The following ANO3 variants were observed in gnomAD, a reference collection of about 807,000 sequenced individuals.
ANO3 encodes the protein anoctamin-3.
A neutral mutation model predicts 144.8 loss-of-function variants in ANO3; 99 were observed. The observed-to-expected ratio is 0.68, with a 90% CI of 0.58 to 0.81. ANO3 has a LOEUF of 0.81. Among genes scored for constraint, ANO3 ranks in the 30% least tolerant of loss-of-function variants. The probability of loss-of-function intolerance (pLI) is 0.00; values close to 1 mark genes in which losing one functional copy is unlikely to be tolerated. For synonymous variants in ANO3, 414 were observed against 392.6 expected (o/e 1.05, Z -0.64); for missense variants, 905 against 1,202.2 (o/e 0.75, Z 3.66).
At chr11:26,533,048 C>G (rs4923364) in intron 8 of ANO3, among the ~76,000 whole-genome samples, 71,397 of 151,934 alleles carry the variant, frequency 0.47, 17,348 homozygotes, top group East Asian at 0.79. Flanking sequence ...TAACAGGACT[C>G]TGAATTTGGT....
chr11:26,197,594 T>C lies in ANO3; in HGVS notation c.154+8264T>C, dbSNP rs183966851. 2.5e-3 allele frequency among the ~76,000 whole-genome samples: 377 copies of C among 152,022 alleles called. 1 individual carries two copies. The highest frequency in any genetic ancestry group is 3.9e-3 in the Non-Finnish European group (266 of 67,950). ...TCTTGATCTCCTGACCTTGTGATCC[T>C]CCCGCCTCGGCCTCCCAAAGTGCTG... On this transcript the variant is annotated intron_variant, in intron 1 of 27. Transcript: ENST00000672621.
At chr11:26,361,270 A>G (rs1855918979) in intron 1 of ANO3, among the ~76,000 whole-genome samples, 1 of 152,190 alleles carries the variant, frequency 6.6e-6, no homozygotes, top group African/African-American at 2.4e-5. Context: ...TATTTACAGC[A>G]ATTTGGGGAA....
At chr11:26,365,954 TTATATA>T (rs1158168765) in intron 1 of ANO3, among the ~76,000 whole-genome samples, 107 of 54,376 alleles carry the variant, frequency 2.0e-3, no homozygotes, top group African/African-American at 5.4e-3. Flanking sequence ...CATTTTTTCT[TTATATA>T]TATATATATA....
At chr11:26,574,722 T>A (rs979367347) in intron 14 of ANO3, among the ~76,000 whole-genome samples, 2 of 152,142 alleles carry the variant, frequency 1.3e-5, no homozygotes, top group African/African-American at 2.4e-5. Flanking sequence ...TGCTAATGGT[T>A]GTTTATTATT....
At chr11:26,448,299 C>CAAAAA (rs11401959) in intron 3 of ANO3, among the ~76,000 whole-genome samples, 3 of 132,494 alleles carry the variant, frequency 2.3e-5, no homozygotes, top group Non-Finnish European at 4.7e-5. Flanking sequence ...AACTCCGTCT[C>CAAAAA]AAAAAAAAAA....
At chr11:26,327,437 A>G (rs1854913254), upstream of ANO3, among the ~76,000 whole-genome samples, 1 of 152,198 alleles carries the variant, frequency 6.6e-6, no homozygotes, top group South Asian at 2.1e-4. Context: ...GATGTGGATA[A>G]AATATATCTT....
At chr11:26,216,130 T>A (rs1194167849) in intron 1 of ANO3, among the ~76,000 whole-genome samples, 1 of 152,052 alleles carries the variant, frequency 6.6e-6, no homozygotes, top group Non-Finnish European at 1.5e-5. Flanking sequence ...AATACGTTAT[T>A]CCTTTTATCT....
chr11:26,450,605 C>A (rs1858894591), intron 3 of ANO3, among the ~76,000 whole-genome samples: 1 of 152,150 alleles, frequency 6.6e-6, no homozygotes, highest in Non-Finnish European at 1.5e-5. Context: ...CAGGTACCAA[C>A]CCTGTCACTT....
intron 7 of ANO3, among the ~76,000 whole-genome samples, chr11:26,526,847 G>T (rs993239490): frequency 6.6e-6 from 1 of 151,998 alleles, no homozygotes; most frequent in East Asian, 1.9e-4. Context: ...TCCCATGTGG[G>T]TATTTGGTCC....
intron 1 of ANO3, among the ~76,000 whole-genome samples, chr11:26,412,090 A>T (rs1229908392): frequency 6.6e-6 from 1 of 152,080 alleles, no homozygotes; most frequent in Non-Finnish European, 1.5e-5. Context: ...GGGGTAATTT[A>T]AAAATTCAAA....
At chr11:26,233,193 G>A in intron 1 of ANO3, among the ~76,000 whole-genome samples, 1 of 147,762 alleles carries the variant, frequency 6.8e-6, no homozygotes, top group Non-Finnish European at 1.5e-5. Context: ...CTCCAGCCTG[G>A]GCAACAGAGC....
chr11:26,384,625 C>T (rs1213104762), intron 1 of ANO3, among the ~76,000 whole-genome samples: 1 of 152,120 alleles, frequency 6.6e-6, no homozygotes, highest in Non-Finnish European at 1.5e-5. Context: ...CCTTTTAGTT[C>T]TACTCCAAAC....
At chr11:26,495,975 C>A (rs898981793) in intron 4 of ANO3, among the ~76,000 whole-genome samples, 1 of 152,142 alleles carries the variant, frequency 6.6e-6, no homozygotes, top group African/African-American at 2.4e-5. Context: ...TACTCAGTGC[C>A]AGAAATTTTG....
intron 2 of ANO3, among the ~76,000 whole-genome samples, chr11:26,443,275 A>G (rs1219988219): frequency 6.6e-6 from 1 of 152,220 alleles, no homozygotes; most frequent in Non-Finnish European, 1.5e-5. Context: ...ATATTAAAAC[A>G]TAATATAGGT....
At chr11:26,330,315 G>A (rs990301973), upstream of ANO3, among the ~76,000 whole-genome samples, 2 of 151,930 alleles carry the variant, frequency 1.3e-5, no homozygotes, top group Middle Eastern at 3.2e-3. Flanking sequence ...TATTCTTCTC[G>A]GTTTCAATGC....
chr11:26,449,663 A>G (rs1333687656), intron 3 of ANO3, among the ~76,000 whole-genome samples: 1 of 152,052 alleles, frequency 6.6e-6, no homozygotes, highest in African/African-American at 2.4e-5. Context: ...TCTAAATATT[A>G]TTCTCTTTTG....
intron 13 of ANO3, among the ~76,000 whole-genome samples, chr11:26,557,257 C>T (rs1033492759): frequency 3.9e-5 from 6 of 152,028 alleles, no homozygotes; most frequent in Admixed American, 2.6e-4. Context: ...CTCAGGAGAT[C>T]GAGACCATCC....
At chr11:26,227,545 T>C (rs1852281588) in intron 1 of ANO3, among the ~76,000 whole-genome samples, 1 of 152,214 alleles carries the variant, frequency 6.6e-6, no homozygotes, top group Non-Finnish European at 1.5e-5. Context: ...AAAGATGAAG[T>C]AAGCAGTGAT....
intron 1 of ANO3, among the ~76,000 whole-genome samples, chr11:26,400,575 A>G (rs921674425): frequency 6.6e-6 from 1 of 151,956 alleles, no homozygotes; most frequent in African/African-American, 2.4e-5. Flanking sequence ...ATGTATCTGT[A>G]TTTAACATGA....
Sources: gnomAD v4.1 joint callset for allele counts (sites outside exome capture counted in the v4.1 genomes callset) on GRCh38, gnomAD v4.1.1 for gene constraint, MANE v1.5 for transcripts, NCBI Gene and HGNC (gene_info 2026-07-23, HGNC 2026-07-21) for gene names.